Variants in SLC25A37 observed in about 807,000 individuals in gnomAD.
SLC25A37 encodes mitoferrin-1.
Under a neutral mutation model 31.0 loss-of-function variants are expected in SLC25A37, and 17 were observed. That is an observed-to-expected ratio of 0.55 (90% confidence interval 0.38 to 0.82). SLC25A37 has a LOEUF of 0.82. SLC25A37 is among the 40% of genes least tolerant of loss of function. The pLI, the probability that SLC25A37 is intolerant of heterozygous loss-of-function variation, is 0.00. For missense variants in SLC25A37, 404 were observed against 465.8 expected, an observed-to-expected ratio of 0.87 and a Z score of 1.22; for synonymous variants, 222 against 193.0, an observed-to-expected ratio of 1.15 and a Z score of -1.24.
chr8:23,539,261 G>A (rs536263943), intron 1 of SLC25A37, among the ~76,000 whole-genome samples: 1 of 152,082 alleles, frequency 6.6e-6, no homozygotes, highest in South Asian at 2.1e-4. Context: ...TTGAGGGACT[G>A]CAGCCTTGTG....
chr8:23,566,049 T>G (rs2117453215), intron 1 of SLC25A37, 59 bp from the exon 2 acceptor site: 3 of 1,511,840 alleles, frequency 2.0e-6, no homozygotes, highest in Non-Finnish European at 2.6e-6. Context: ...CTTATTTTCC[T>G]TCTTTACCAT....
At chr8:23,568,759 A>G (rs1802736047) in intron 3 of SLC25A37, 1 of 261,772 alleles carries the variant, frequency 3.8e-6, no homozygotes, top group East Asian at 9.0e-5. Flanking sequence ...CCTGGCCAAC[A>G]TGGAGAGACC....
intron 1 of SLC25A37, chr8:23,541,916 GA>G (rs1162420973): frequency 6.6e-6 from 1 of 152,220 alleles, no homozygotes; most frequent in African/African-American, 2.4e-5. Flanking sequence ...TTTAACTGAA[GA>G]ATCAAGAAAG....
At position 23,529,873 on chromosome 8, in the gene SLC25A37, G is replaced by A. The variant is rs1801630229; in HGVS notation, c.210+661G>A. Among the ~76,000 whole-genome samples, 1 of 152,098 alleles carries A rather than the reference G, an allele frequency of 6.6e-6. No homozygotes were observed. Among genetic ancestry groups the A allele is most frequent in the African/African-American group, 2.4e-5 (1 of 41,412 alleles). ...CGCCGAGCCGCCGGGAGGCAATGAC[G>A]TTTGCCTTCTCCTTTTGCTTGCGGG... On this transcript the variant is annotated intron_variant, in intron 1 of 3. Coordinates refer to ENST00000519973, the MANE Select transcript of SLC25A37 (RefSeq NM_016612.4). The surrounding 1 kb of genome is among the most constrained non-coding windows in gnomAD (Gnocchi z 4.1).
chr8:23,571,140 A>T (rs1270632320), intron 3 of SLC25A37, among the ~76,000 whole-genome samples, 195 bp from the exon 4 acceptor site: 7 of 152,232 alleles, frequency 4.6e-5, no homozygotes, highest in Admixed American at 4.6e-4. Flanking sequence ...AATGGATTTT[A>T]ACCTAGGACT....
chr8:23,561,663 C>G (rs2942201), intron 1 of SLC25A37, among the ~76,000 whole-genome samples: 2 of 152,026 alleles, frequency 1.3e-5, no homozygotes. Flanking sequence ...CTCCATAGGT[C>G]ACCAGGGGTA....
At chr8:23,546,556 G>GTATATATATA (rs56169952) in intron 1 of SLC25A37, among the ~76,000 whole-genome samples, 1 of 42,590 alleles carries the variant, frequency 2.3e-5, no homozygotes, top group Non-Finnish European at 3.7e-5. Context: ...TATATATAGT[G>GTATATATATA]TATATATATA....
At position 23,574,060 on chromosome 8, in the gene SLC25A37, G is replaced by C. The variant is rs1172933325; in HGVS notation, c.*2205G>C. The C allele has an allele frequency of 1.2e-5, 4 of 346,014 alleles. No individual in the cohort carries two copies. The highest frequency in any genetic ancestry group is 8.6e-5 in the African/African-American group (4 of 46,658). The allele number at this position is 346,014 out of a possible 1,614,324, so 21.4% of individuals were successfully genotyped here. On this transcript the variant is annotated 3_prime_UTR_variant, in exon 4 of 4. Coordinates refer to ENST00000519973, the MANE Select transcript of SLC25A37 (RefSeq NM_016612.4). ...CTACCACCCCTTTTGGTCCACTTAA[G>C]ATATGCCACGCTGAAGCAAGGTATT...
intron 1 of SLC25A37, among the ~76,000 whole-genome samples, chr8:23,546,641 C>A (rs1802074356): frequency 7.1e-6 from 1 of 139,876 alleles, no homozygotes; most frequent in Non-Finnish European, 1.5e-5. Flanking sequence ...TATATTTGGG[C>A]CAGGAAGGGT....
intron 3 of SLC25A37, 74 bp downstream of exon 3, chr8:23,568,452 G>C (rs1485715091): frequency 1.9e-6 from 3 of 1,561,300 alleles, no homozygotes; most frequent in Non-Finnish European, 2.7e-6. Context: ...GTGGGAGAGT[G>C]GAGAGGACTG....
intron 1 of SLC25A37, among the ~76,000 whole-genome samples, chr8:23,564,056 T>G (rs1022345462): frequency 3.3e-5 from 5 of 152,144 alleles, no homozygotes; most frequent in Admixed American, 1.3e-4. Context: ...TCCTTACTTT[T>G]TTTTAAGCAT....
At chr8:23,548,013 A>C (rs1802114434) in intron 1 of SLC25A37, among the ~76,000 whole-genome samples, 1 of 152,152 alleles carries the variant, frequency 6.6e-6, no homozygotes, top group Non-Finnish European at 1.5e-5. Flanking sequence ...TGCCAGCAGC[A>C]CAGATGGGGT....
chr8:23,539,727 G>C (rs1339407396), intron 1 of SLC25A37, among the ~76,000 whole-genome samples: 1 of 152,240 alleles, frequency 6.6e-6, no homozygotes, highest in Admixed American at 6.5e-5. Context: ...AGATAGATTT[G>C]TGAATGGCTC....
In SLC25A37 at chr8:23,550,129, C is replaced by T. The variant is rs1163368878; in HGVS notation, c.211-15979C>T. Among the ~76,000 whole-genome samples, 6 of 124,212 alleles carry T rather than the reference C, an allele frequency of 4.8e-5. 1 individual carries two copies. Among genetic ancestry groups the T allele is most frequent in the Admixed American group, 8.4e-5 (1 of 11,858 alleles). The allele number at this position is 124,212 out of a possible 152,430, so 81.5% of individuals were successfully genotyped here. ...CCGGGAGGCGGAGGTTGTGGTGAGC[C>T]GAGATCAAGCCACTGCACTCCAGCC... On this transcript the variant is annotated intron_variant, in intron 1 of 3. Coordinates refer to ENST00000519973, the MANE Select transcript of SLC25A37 (RefSeq NM_016612.4).
At chr8:23,549,222 G>A (rs768489259) in intron 1 of SLC25A37, among the ~76,000 whole-genome samples, 12 of 152,170 alleles carry the variant, frequency 7.9e-5, no homozygotes, top group African/African-American at 2.2e-4. Flanking sequence ...CTTGCAGAAC[G>A]ATCCTGTAGT....
intron 1 of SLC25A37, among the ~76,000 whole-genome samples, chr8:23,538,769 A>G (rs1354864340): frequency 6.6e-6 from 1 of 152,158 alleles, no homozygotes; most frequent in East Asian, 1.9e-4. Flanking sequence ...GCTCCCTTTC[A>G]AGACAAGAGT....
Position 23,573,404 on chromosome 8 carries a change from A to G in SLC25A37, c.*1549A>G, listed in dbSNP as rs1370458916. On this transcript the variant is annotated 3_prime_UTR_variant, in exon 4 of 4. Coordinates refer to ENST00000519973, the MANE Select transcript of SLC25A37 (RefSeq NM_016612.4). The stretch of plus-strand genomic sequence containing the variant: ...AGGGAATACCGACGAGACGAGCTGC[A>G]CTGTCTCTGATTTGGAGCCCTCACC... 1.2e-5 allele frequency: 2 copies of G among 171,698 alleles called. No individual in the cohort carries two copies. The highest frequency in any genetic ancestry group is 1.2e-4 in the Admixed American group (2 of 16,690). The allele number at this position is 171,698 out of a possible 1,614,324, so 10.6% of individuals were successfully genotyped here.
At chr8:23,540,177 T>C (rs1209835751) in intron 1 of SLC25A37, among the ~76,000 whole-genome samples, 1 of 152,226 alleles carries the variant, frequency 6.6e-6, no homozygotes, top group Non-Finnish European at 1.5e-5. Flanking sequence ...TCTCATTTCA[T>C]ATTTGAGAAA....
intron 1 of SLC25A37, among the ~76,000 whole-genome samples, chr8:23,541,209 G>C (rs996855620): frequency 6.6e-6 from 1 of 152,222 alleles, no homozygotes; most frequent in Non-Finnish European, 1.5e-5. Flanking sequence ...AAACCAGCAG[G>C]GTAGGACCGG....
Sources: gnomAD v4.1 joint callset for allele counts (sites outside exome capture counted in the v4.1 genomes callset) on GRCh38, gnomAD v4.1.1 for gene constraint, Gnocchi (gnomAD v3.1) non-coding constraint, MANE v1.5 for transcripts, NCBI Gene and HGNC (gene_info 2026-07-23, HGNC 2026-07-21) for gene names.